SAMD7: variants seen among roughly 807,000 people sequenced by gnomAD.
The protein encoded by SAMD7 is sterile alpha motif domain-containing protein 7.
In SAMD7, 34 loss-of-function variants were observed where a neutral mutation model predicts 36.7. The observed-to-expected ratio is 0.93, with a 90% CI of 0.71 to 1.23. The LOEUF is 1.23. SAMD7 is among the 50% of genes most tolerant of loss of function. The pLI, the probability that SAMD7 is intolerant of heterozygous loss-of-function variation, is 0.00. For missense variants in SAMD7, 570 were observed against 546.6 expected, an observed-to-expected ratio of 1.04 and a Z score of -0.43; for synonymous variants, 188 against 189.7, an observed-to-expected ratio of 0.99 and a Z score of 0.07.
At chr3:169,915,172 C>T (rs117604898) in intron 1 of SAMD7, among the ~76,000 whole-genome samples, 195 bp from the exon 2 acceptor site, 3,342 of 152,326 alleles carry the variant, frequency 0.022, 90 homozygotes, top group East Asian at 0.13. Context: ...GAGGACAATT[C>T]TGAGATGTGT....
intron 3 of SAMD7, among the ~76,000 whole-genome samples, chr3:169,920,866 T>C (rs1340422470): frequency 6.6e-6 from 1 of 152,172 alleles, no homozygotes; most frequent in Non-Finnish European, 1.5e-5. Flanking sequence ...CCAAAGTATG[T>C]CCATTAAATG....
Position 169,919,444 on chromosome 3 carries a change from C to T in SAMD7, c.-41-14C>T. On this transcript the variant is annotated splice_polypyrimidine_tract_variant and intron_variant, in intron 2 of 8. Coordinates refer to ENST00000335556, the MANE Select transcript of SAMD7 (RefSeq NM_001304366.2). ...TAGAGTTATTTGTTAAAGTGTCTAT[C>T]TGGTTCTTTTTAGAACTCCATTAGT... The T allele has an allele frequency of 7.6e-7, 1 of 1,312,872 alleles. No individual in the cohort carries two copies. The highest frequency in any genetic ancestry group is 1.1e-6 in the Non-Finnish European group (1 of 905,266). 81.3% of individuals were successfully genotyped at this position (1,312,872 alleles called of 1,614,324 possible).
Position 169,927,028 on chromosome 3 carries a change from G to A in SAMD7, c.766G>A (p.Glu256Lys), listed in dbSNP as rs771353015. 3.7e-6 allele frequency: 6 copies of A among 1,613,136 alleles called. No individual in the cohort carries two copies. The highest frequency in any genetic ancestry group is 2.2e-5 in the East Asian group (1 of 44,866). Reference protein sequence around the residue: ...TALANTCGELEPTHRKPWGSH... With the variant: ...TALANTCGELKPTHRKPWGSH... ...TCTTGCCAACACCTGTGGAGAGCTC[G>A]AGCCCACCCATAGGAAACCCTGGGG... The change falls in exon 6 of 9, where the codon GAG becomes AAG. Residue 256 changes from glutamate (E) to lysine (K), a missense_variant. By Grantham distance (56) the Glu-to-Lys change is moderately conservative. Transcript: ENST00000335556.
chr3:169,924,826 G>A (rs1363171227), intron 4 of SAMD7, among the ~76,000 whole-genome samples: 1 of 152,088 alleles, frequency 6.6e-6, no homozygotes, highest in Non-Finnish European at 1.5e-5. Context: ...CACCAGTCAT[G>A]AGACCAACAA....
In SAMD7 at chr3:169,919,585, G is replaced by T. The variant is rs201539199; in HGVS notation, c.86+1G>T. 9.4e-6 allele frequency: 15 copies of T among 1,602,380 alleles called. No individual in the cohort carries two copies. Among genetic ancestry groups the T allele is most frequent in the Non-Finnish European group, 6.8e-6 (8 of 1,169,432 alleles). On this transcript the variant is annotated splice_donor_variant, in intron 3 of 8. Transcript: ENST00000335556. LOFTEE classifies it high-confidence loss of function. ...CATTTGGGCCTCCAACTGTGGACAG[G>T]TATTTCTCTTCAATATAATAGTTTG...
intron 2 of SAMD7, among the ~76,000 whole-genome samples, chr3:169,916,371 C>T (rs1712799771): frequency 6.6e-6 from 1 of 152,156 alleles, no homozygotes; most frequent in Non-Finnish European, 1.5e-5. Flanking sequence ...ATAGGCCAGG[C>T]GTGGTGGCTC....
chr3:169,925,536 C>G (rs1458906425), intron 5 of SAMD7, among the ~76,000 whole-genome samples: 1 of 151,986 alleles, frequency 6.6e-6, no homozygotes, highest in Non-Finnish European at 1.5e-5. Flanking sequence ...ACCAGCCTGG[C>G]CAAGATGGTG....
At chr3:169,931,706 G>T (rs1167835616) in intron 7 of SAMD7, among the ~76,000 whole-genome samples, 1 of 152,208 alleles carries the variant, frequency 6.6e-6, no homozygotes, top group Non-Finnish European at 1.5e-5. Flanking sequence ...TTGGGGGACG[G>T]CTGGCTCAGC....
At chr3:169,926,378 C>G in intron 5 of SAMD7, 175 bp from the exon 6 acceptor site, 1 of 1,186,906 alleles carries the variant, frequency 8.4e-7, no homozygotes, top group Non-Finnish European at 1.1e-6. Context: ...TCAGACAAAG[C>G]TTCAGATCTT....
chr3:169,925,149 T>C lies in SAMD7; in HGVS notation c.290+13T>C. ...ATCATACTGCCAGGTAATTTGGCAA[T>C]GTTGTTTTATTTATTCTCTATTCAT... On this transcript the variant is annotated intron_variant, in intron 5 of 8. Coordinates refer to ENST00000335556, the MANE Select transcript of SAMD7 (RefSeq NM_001304366.2). 6.3e-7 allele frequency: 1 copy of C among 1,575,784 alleles called. No homozygotes were observed. The highest frequency in any genetic ancestry group is 8.7e-7 in the Non-Finnish European group (1 of 1,151,584).
chr3:169,928,373 TG>T, intron 6 of SAMD7, 83 bp from the exon 7 acceptor site: 1 of 1,242,074 alleles, frequency 8.1e-7, no homozygotes, highest in South Asian at 1.3e-5. Flanking sequence ...AAGACCACTC[TG>T]GGGTGATAGA....
At chr3:169,925,159 T>C in intron 5 of SAMD7, 23 bp downstream of exon 5, 1 of 1,511,052 alleles carries the variant, frequency 6.6e-7, no homozygotes, top group Non-Finnish European at 9.1e-7. Flanking sequence ...TGTTGTTTTA[T>C]TTATTCTCTA....
chr3:169,919,574 A>G lies in SAMD7; in HGVS notation c.76A>G (p.Thr26Ala), dbSNP rs781189311. 1.9e-6 allele frequency: 3 copies of G among 1,611,254 alleles called. No individual in the cohort carries two copies. The highest frequency in any genetic ancestry group is 4.5e-5 in the East Asian group (2 of 44,880). ...GATCCCCTCACCATTTGGGCCTCCAACTGTGGACAGGTATTTCTCTTCAAT... is the reference window on the plus strand; with the variant it reads ...GATCCCCTCACCATTTGGGCCTCCAGCTGTGGACAGGTATTTCTCTTCAAT... ...PLIPSPFGPPTVDRDVLPSTV... is the reference protein window; with the variant it reads ...PLIPSPFGPPAVDRDVLPSTV... Residue 26 changes from threonine (T) to alanine (A), a missense_variant, in exon 3 of 9, where the codon ACT becomes GCT. Thr to Ala is a moderately conservative substitution (Grantham distance 58). Coordinates refer to ENST00000335556, the MANE Select transcript of SAMD7 (RefSeq NM_001304366.2).
intron 4 of SAMD7, among the ~76,000 whole-genome samples, chr3:169,922,555 A>G (rs1713088750): frequency 6.6e-6 from 1 of 152,238 alleles, no homozygotes; most frequent in Admixed American, 6.5e-5. Flanking sequence ...GCTGGAGTGC[A>G]ATGGCACAAT....
chr3:169,933,086 T>C, intron 7 of SAMD7: 2 of 883,924 alleles, frequency 2.3e-6, no homozygotes, highest in Admixed American at 1.7e-5. Context: ...CCATGGCCCA[T>C]GACCCCCTCT....
At position 169,919,544 on chromosome 3, in the gene SAMD7, C is replaced by T. The variant is rs1210399828; in HGVS notation, c.46C>T (p.Pro16Ser). The change falls in exon 3 of 9, where the codon CCA becomes TCA. Residue 16 changes from proline (P) to serine (S), a missense_variant. By Grantham distance (74) the Pro-to-Ser change is moderately conservative. Coordinates refer to ENST00000335556, the MANE Select transcript of SAMD7 (RefSeq NM_001304366.2). ...LLTPTGQQTI[P>S]LIPSPFGPPT... ...GACACCAACAGGGCAGCAGACAATC[C>T]CACTGATCCCCTCACCATTTGGGCC... The T allele has an allele frequency of 6.2e-7, 1 of 1,614,098 alleles. No homozygotes were observed. The highest frequency in any genetic ancestry group is 1.1e-5 in the South Asian group (1 of 91,070).
In SAMD7 at chr3:169,926,697, CCCTGCCGGTGA is replaced by C. The variant is rs750733857; in HGVS notation, c.441_451del (p.Gly148PhefsTer23). 3.7e-6 allele frequency: 6 copies of C among 1,613,894 alleles called. No homozygotes were observed. Among genetic ancestry groups the C allele is most frequent in the Non-Finnish European group, 4.2e-6 (5 of 1,179,924 alleles). ...CTGCCTACCATGGCAGGAGCATGCT[CCCTGCCGGTGA>C]CCTGCATTTTCACAGAAGCACCCTC... On this transcript the variant is annotated frameshift_variant, in exon 6 of 9. Coordinates refer to ENST00000335556, the MANE Select transcript of SAMD7 (RefSeq NM_001304366.2). LOFTEE classifies it high-confidence loss of function.
chr3:169,924,711 G>C (rs1713182882), intron 4 of SAMD7, among the ~76,000 whole-genome samples: 1 of 152,214 alleles, frequency 6.6e-6, no homozygotes, highest in Admixed American at 6.5e-5. Context: ...AACATCAAGT[G>C]GTACCCAAAA....
chr3:169,925,258 ATTAC>A, intron 5 of SAMD7, 122 bp downstream of exon 5: 1 of 587,044 alleles, frequency 1.7e-6, no homozygotes, highest in Non-Finnish European at 2.9e-6. Flanking sequence ...ACACACACAA[ATTAC>A]TTACATAAAG....
Sources: allele counts gnomAD v4.1 joint callset (sites outside exome capture counted in the v4.1 genomes callset), GRCh38; gene constraint gnomAD v4.1.1; transcripts MANE v1.5; gene names NCBI Gene and HGNC (gene_info 2026-07-23, HGNC 2026-07-21).